The following GFRA3 variants were observed in gnomAD, a reference collection of about 807,000 sequenced individuals.
GFRA3 encodes GDNF family receptor alpha 3, also known as GDNF family receptor alpha-3.
GFRA3 carries 24 observed loss-of-function variants against 40.0 expected under a neutral mutation model. The ratio of observed to expected loss-of-function variants is 0.60; its 90% confidence interval spans 0.43 to 0.84. The LOEUF is 0.84. GFRA3 is among the 40% of genes least tolerant of loss of function. The pLI is 0.00. For missense variants in GFRA3, 405 were observed against 530.6 expected (o/e 0.76, Z 2.33); for synonymous variants, 203 against 213.5 (o/e 0.95, Z 0.43).
At chr5:138,254,998 G>A (rs904488214) in intron 4 of GFRA3, among the ~76,000 whole-genome samples, 1 of 143,790 alleles carries the variant, frequency 7.0e-6, no homozygotes, top group Non-Finnish European at 1.5e-5. Context: ...AGAGAGAAGA[G>A]AAGAGAAGGA....
chr5:138,261,878 G>A (rs1207589870), intron 2 of GFRA3, among the ~76,000 whole-genome samples: 2 of 152,026 alleles, frequency 1.3e-5, no homozygotes, highest in African/African-American at 2.4e-5. Flanking sequence ...TCTCTCAGTC[G>A]ATTAAGATGG....
intron 4 of GFRA3, 25 bp from the exon 5 acceptor site, chr5:138,254,185 T>TTA: frequency 5.2e-6 from 7 of 1,350,150 alleles, no homozygotes; most frequent in Non-Finnish European, 7.4e-6. Flanking sequence ...ATTTCTGTCT[T>TTA]TCTTTTTTTT....
At chr5:138,258,166 CTTTTTTTTTTTTTTTTTTT>C (rs66792829) in intron 3 of GFRA3, among the ~76,000 whole-genome samples, 3 of 51,640 alleles carry the variant, frequency 5.8e-5, no homozygotes, top group African/African-American at 1.8e-4. Flanking sequence ...CCCTACTCCT[CTTTTTTTTTTTTTTTTTTT>C]TTTTTTTTTT....
At chr5:138,259,765 T>A in intron 2 of GFRA3, 116 bp from the exon 3 acceptor site, 1 of 729,684 alleles carries the variant, frequency 1.4e-6, no homozygotes, top group Non-Finnish European at 2.5e-6. Flanking sequence ...AAGCACAGCC[T>A]CTACCTAACC....
Position 138,252,958 on chromosome 5 carries a change from G to C in GFRA3, c.*10C>G. ...GTGGTGGAGGGGAAGAGGGCCCTGG[G>C]GAAGTCCAGCTACCATAGGCTCAGG... On this transcript the variant is annotated 3_prime_UTR_variant, in exon 8 of 8. Transcript: ENST00000274721. The C allele has an allele frequency of 6.6e-7, 1 of 1,512,102 alleles. No individual in the cohort carries two copies. The highest frequency in any genetic ancestry group is 9.2e-7 in the Non-Finnish European group (1 of 1,087,930). The allele number at this position is 1,512,102 out of a possible 1,614,324, so 93.7% of individuals were successfully genotyped here.
chr5:138,274,548 T>G lies in GFRA3; in HGVS notation c.-124A>C. 8.2e-7 allele frequency: 1 copy of G among 1,222,678 alleles called. No individual in the cohort carries two copies. 75.7% of individuals were successfully genotyped at this position (1,222,678 alleles called of 1,614,324 possible). A position where few individuals can be genotyped will look rare whatever the true frequency, so the allele number is the denominator to read the frequency against. On this transcript the variant is annotated 5_prime_UTR_variant, in exon 1 of 8. Transcript: ENST00000274721. ...GCCCTCCAGCGCGACGCACACACTC[T>G]CCCACCAGGGTCCTGGGCGCCGCCC...
rs568496270 is a variant in GFRA3, at chr5:138,254,255, T to G, written c.786-95A>C. 3.1e-4 allele frequency: 226 copies of G among 735,304 alleles called. 2 individuals are homozygous for G. The highest frequency in any genetic ancestry group is 2.3e-3 in the African/African-American group (132 of 56,612). 45.5% of individuals were successfully genotyped at this position (735,304 alleles called of 1,614,324 possible). ...CAGGCTGGAGTGCAGTAGCTCAATCTTGGCTCACTGCAACCTCTGCCTCCC... is the reference window on the plus strand; with the variant it reads ...CAGGCTGGAGTGCAGTAGCTCAATCGTGGCTCACTGCAACCTCTGCCTCCC... On this transcript the variant is annotated intron_variant, in intron 4 of 7. Transcript: ENST00000274721.
At chr5:138,261,367 A>G (rs1189629303) in intron 2 of GFRA3, among the ~76,000 whole-genome samples, 1 of 152,188 alleles carries the variant, frequency 6.6e-6, no homozygotes, top group East Asian at 1.9e-4. Flanking sequence ...GTGGAGGAAA[A>G]GATAATCTAG....
Position 138,274,334 on chromosome 5 carries a change from C to T in GFRA3, c.91G>A (p.Gly31Arg), listed in dbSNP as rs1755918391. The T allele has an allele frequency of 7.5e-7, 1 of 1,340,708 alleles. No homozygotes were observed. The highest frequency in any genetic ancestry group is 9.6e-7 in the Non-Finnish European group (1 of 1,040,678). 83.1% of individuals were successfully genotyped at this position (1,340,708 alleles called of 1,614,324 possible). Residue 31 changes from glycine (G) to arginine (R), a missense_variant and splice_region_variant, in exon 1 of 8, where the codon GGA (glycine) becomes AGA (arginine). Gly to Arg is a moderately radical substitution (Grantham distance 125). Coordinates refer to ENST00000274721, the MANE Select transcript of GFRA3 (RefSeq NM_001496.4). ...GGCCGGTGCGCGCTCTGACACTCAC[C>T]GGCTGCGAGAGGCAGCGGCGACGGC... is the stretch of plus-strand genomic sequence containing the variant. ...LPPSPLPLAA[G>R]DPLPTESRLM... is the part of the protein sequence containing the mutation.
chr5:138,255,262 T>A (rs917982217), intron 4 of GFRA3, among the ~76,000 whole-genome samples: 1 of 152,166 alleles, frequency 6.6e-6, no homozygotes, highest in Non-Finnish European at 1.5e-5. Flanking sequence ...GTTAGTATTA[T>A]GATTATTAAG....
chr5:138,269,500 C>T (rs961565269), intron 1 of GFRA3, among the ~76,000 whole-genome samples: 1 of 149,938 alleles, frequency 6.7e-6, no homozygotes, highest in Non-Finnish European at 1.5e-5. Context: ...CAAGCCATTG[C>T]ACTGAAGCCT....
In GFRA3 at chr5:138,257,655, A is replaced by C. The variant is rs1242498132; in HGVS notation, c.769T>G (p.Ser257Ala). ...NCLELRRLCF[S>A]DPLCRSRLVD... ...ACTACACACCTGCAAAGCGGGTCGG[A>C]GAAGCAGAGGCGCCGCAGCTCCAGG... Residue 257 changes from serine to alanine, a missense_variant, in exon 4 of 8, where the codon TCC becomes GCC. Transcript: ENST00000274721. The C allele has an allele frequency of 6.2e-7, 1 of 1,609,764 alleles. No homozygotes were observed. Among genetic ancestry groups the C allele is most frequent in the Admixed American group, 1.7e-5 (1 of 59,000 alleles).
intron 1 of GFRA3, among the ~76,000 whole-genome samples, chr5:138,270,938 T>C (rs1031139891): frequency 6.6e-6 from 1 of 152,200 alleles, no homozygotes; most frequent in Non-Finnish European, 1.5e-5. Context: ...GAATAAGTGG[T>C]AAGTACACAA....
At chr5:138,265,341 C>T (rs1035097425) in intron 1 of GFRA3, among the ~76,000 whole-genome samples, 2 of 151,642 alleles carry the variant, frequency 1.3e-5, no homozygotes, top group African/African-American at 2.4e-5. Context: ...CTCAGCCTCC[C>T]GTGTAGCTGG....
intron 1 of GFRA3, among the ~76,000 whole-genome samples, chr5:138,266,668 CTTTCTTTCT>C (rs1308279548): frequency 6.8e-6 from 1 of 146,874 alleles, no homozygotes; most frequent in African/African-American, 2.4e-5. Context: ...ATTTCTTTTT[CTTTCTTTCT>C]TTTCTTTTCT....
intron 1 of GFRA3, among the ~76,000 whole-genome samples, chr5:138,271,075 C>T (rs1755860957): frequency 6.6e-6 from 1 of 152,058 alleles, no homozygotes; most frequent in South Asian, 2.1e-4. Flanking sequence ...TCACTGCAAC[C>T]TCTGCCTCCC....
chr5:138,257,789 G>T lies in GFRA3; in HGVS notation c.635C>A (p.Ala212Glu), dbSNP rs1213457902. ...TFFEKAAEPH[A>E]QGLLLCPCAP... is the part of the protein sequence containing the mutation. ...ACATGGGCACAGTAGCAGGCCCTGC[G>T]CGTGGGGCTCGGCGGCCTTCTCGAA... Residue 212 changes from alanine (A) to glutamate (E), a missense_variant, in exon 4 of 8, where the codon GCG becomes GAG. Coordinates refer to ENST00000274721, the MANE Select transcript of GFRA3 (RefSeq NM_001496.4). The T allele has an allele frequency of 1.9e-6, 3 of 1,612,822 alleles. No individual in the cohort carries two copies. Among genetic ancestry groups the T allele is most frequent in the East Asian group, 4.5e-5 (2 of 44,866 alleles).
At chr5:138,254,257 G>T in intron 4 of GFRA3, 97 bp from the exon 5 acceptor site, 1 of 718,150 alleles carries the variant, frequency 1.4e-6, no homozygotes, top group South Asian at 1.6e-5. Flanking sequence ...GCTCAATCTT[G>T]GCTCACTGCA....
At chr5:138,271,914 T>TGGGTGTGTGA in intron 1 of GFRA3, among the ~76,000 whole-genome samples, 1 of 58,166 alleles carries the variant, frequency 1.7e-5, no homozygotes, top group Non-Finnish European at 3.6e-5. Context: ...TTTTTTTTTT[T>TGGGTGTGTGA]GTGTGTGTGT....
Sources: allele counts gnomAD v4.1 joint callset (sites outside exome capture counted in the v4.1 genomes callset), GRCh38; gene constraint gnomAD v4.1.1; transcripts MANE v1.5; gene names NCBI Gene and HGNC (gene_info 2026-07-23, HGNC 2026-07-21).